Variants in MED13L observed in about 807,000 individuals in gnomAD.
The protein encoded by MED13L is mediator complex subunit 13L, also known as mediator of RNA polymerase II transcription subunit 13-like.
MED13L carries 7 observed loss-of-function variants against 220.9 expected under a neutral mutation model. The observed-to-expected ratio is 0.03, with a 90% CI of 0.02 to 0.06. MED13L has a LOEUF of 0.06. MED13L is among the 10% of genes least tolerant of loss of function. MED13L has a pLI of 1.00. For synonymous variants in MED13L, 1,011 were observed against 1,015.2 expected (o/e 1.00, Z 0.08); for missense variants, 1,965 against 2,760.5 (o/e 0.71, Z 6.46).
intron 2 of MED13L, among the ~76,000 whole-genome samples, chr12:116,130,287 T>C (rs894689368): frequency 2.6e-5 from 4 of 152,180 alleles, no homozygotes; most frequent in Non-Finnish European, 2.9e-5. Context: ...ATTTTAAAAA[T>C]AAAACTCTCC....
intron 3 of MED13L, 64 bp from the exon 4 acceptor site, chr12:116,096,816 C>T: frequency 8.7e-7 from 1 of 1,145,582 alleles, no homozygotes; most frequent in Non-Finnish European, 1.3e-6. Context: ...GTCGCTGAAG[C>T]AATACACCAG....
chr12:116,248,395 G>A (rs1450277614), intron 1 of MED13L, among the ~76,000 whole-genome samples: 1 of 152,084 alleles, frequency 6.6e-6, no homozygotes, highest in East Asian at 1.9e-4. Context: ...GTTAATCATA[G>A]ATATGGGGGG....
intron 2 of MED13L, among the ~76,000 whole-genome samples, chr12:116,190,386 A>G (rs1403475232): frequency 6.6e-6 from 1 of 152,218 alleles, no homozygotes; most frequent in African/African-American, 2.4e-5. Context: ...TGCAAAGGAA[A>G]TTAATGAATT....
intron 3 of MED13L, among the ~76,000 whole-genome samples, chr12:116,105,314 G>A (rs574628890): frequency 6.6e-6 from 1 of 152,268 alleles, no homozygotes; most frequent in African/African-American, 2.4e-5. Context: ...ATTAGAAAGG[G>A]AGGAAGGATG....
At chr12:116,237,790 T>C (rs1870233188) in intron 1 of MED13L, 85 bp from the exon 2 acceptor site, 5 of 1,165,360 alleles carry the variant, frequency 4.3e-6, no homozygotes, top group South Asian at 2.5e-5. Context: ...AAAGCAATTG[T>C]GCTAAAATAA....
At chr12:115,985,029 G>A (rs1027314659) in intron 19 of MED13L, among the ~76,000 whole-genome samples, 3 of 152,116 alleles carry the variant, frequency 2.0e-5, no homozygotes, top group Admixed American at 6.6e-5. Flanking sequence ...AGTAGATGAA[G>A]TGAAGGCTTA....
At chr12:116,208,468 C>A (rs2138340858) in intron 2 of MED13L, among the ~76,000 whole-genome samples, 1 of 152,266 alleles carries the variant, frequency 6.6e-6, no homozygotes, top group Non-Finnish European at 1.5e-5. Context: ...CGATAATATT[C>A]AAAAATAGGA....
chr12:116,085,144 A>G (rs1871538176), intron 4 of MED13L, among the ~76,000 whole-genome samples: 1 of 152,164 alleles, frequency 6.6e-6, no homozygotes, highest in Non-Finnish European at 1.5e-5. Flanking sequence ...TATATGAAGC[A>G]CGTTTAAGAT....
chr12:116,271,294 A>G (rs1355096429), intron 1 of MED13L, among the ~76,000 whole-genome samples: 4 of 151,906 alleles, frequency 2.6e-5, no homozygotes, highest in Non-Finnish European at 4.4e-5. Flanking sequence ...ATTAAATATA[A>G]TTTCTTAAAA....
chr12:116,204,013 G>C (rs1039194622), intron 2 of MED13L, among the ~76,000 whole-genome samples: 2 of 152,150 alleles, frequency 1.3e-5, no homozygotes, highest in African/African-American at 4.8e-5. Flanking sequence ...AATGGTATCT[G>C]CAAAAGTGGG....
At chr12:116,250,012 A>C (rs1486939746) in intron 1 of MED13L, among the ~76,000 whole-genome samples, 2 of 141,432 alleles carry the variant, frequency 1.4e-5, no homozygotes, top group Non-Finnish European at 3.0e-5. Flanking sequence ...GTGAACCCTA[A>C]TGCAGCATAA....
intron 5 of MED13L, among the ~76,000 whole-genome samples, chr12:116,021,933 A>G (rs1196714316): frequency 1.3e-5 from 2 of 152,216 alleles, no homozygotes; most frequent in East Asian, 1.9e-4. Context: ...TTTAAATTAC[A>G]GCTAAATACC....
intron 16 of MED13L, 81 bp from the exon 17 acceptor site, chr12:115,992,038 T>A: frequency 8.4e-7 from 1 of 1,189,758 alleles, no homozygotes; most frequent in Non-Finnish European, 1.2e-6. Context: ...CCCAGCCATG[T>A]ACTGTGTATT....
In MED13L at chr12:116,250,592, C is replaced by T. The variant is rs555854162; in HGVS notation, c.73-12887G>A. Among the ~76,000 whole-genome samples, 4 of 146,270 alleles carry T rather than the reference C, an allele frequency of 2.7e-5. No individual in the cohort carries two copies. The South Asian group carries it at 6.5e-4, about 24-fold the overall frequency. ...CAGCCTGACCAATATGGTGAAACCCCGTCTCTACTAAAAATACAAAAAAAA... is the reference window on the plus strand; with the variant it reads ...CAGCCTGACCAATATGGTGAAACCCTGTCTCTACTAAAAATACAAAAAAAA... On this transcript the variant is annotated intron_variant, in intron 1 of 30. Coordinates refer to ENST00000281928, the MANE Select transcript of MED13L (RefSeq NM_015335.5).
chr12:116,005,108 A>G (rs935413992), intron 13 of MED13L, among the ~76,000 whole-genome samples: 1 of 152,198 alleles, frequency 6.6e-6, no homozygotes, highest in South Asian at 2.1e-4. Context: ...CAATTAACAA[A>G]TGTATGTAAA....
At chr12:116,081,436 G>C (rs958073653) in intron 4 of MED13L, among the ~76,000 whole-genome samples, 3 of 152,068 alleles carry the variant, frequency 2.0e-5, no homozygotes, top group South Asian at 4.1e-4. Context: ...TAACTACCAA[G>C]TACTTTGGAG....
chr12:116,161,570 G>A (rs193069480), intron 2 of MED13L, among the ~76,000 whole-genome samples: 2 of 152,090 alleles, frequency 1.3e-5, no homozygotes, highest in Non-Finnish European at 2.9e-5. Context: ...ATGATGAATA[G>A]AACAAGGCCT....
At chr12:116,214,643 T>G (rs1377337544) in intron 2 of MED13L, among the ~76,000 whole-genome samples, 2 of 152,160 alleles carry the variant, frequency 1.3e-5, no homozygotes, top group African/African-American at 4.8e-5. Context: ...TAGCTTTTTT[T>G]CTCTTGATCT....
rs1211383104 is a variant in MED13L, at chr12:116,074,012, T to C, written c.479+22657A>G. Among the ~76,000 whole-genome samples, 10 of 152,252 alleles carry C rather than the reference T, an allele frequency of 6.6e-5. 1 individual carries two copies. In the East Asian group the frequency reaches 1.9e-3, roughly 29 times the overall value. On this transcript the variant is annotated intron_variant, in intron 4 of 30. Coordinates refer to ENST00000281928, the MANE Select transcript of MED13L (RefSeq NM_015335.5). ...GGGTCATGTGGTTATCAAAGCCGTT[T>C]TCTCACGATTTATTATTAATATGTA...
Sources: allele counts gnomAD v4.1 joint callset (sites outside exome capture counted in the v4.1 genomes callset), GRCh38; gene constraint gnomAD v4.1.1; transcripts MANE v1.5; gene names NCBI Gene and HGNC (gene_info 2026-07-23, HGNC 2026-07-21).